SPIRE2: variants seen among roughly 807,000 people sequenced by gnomAD.
The protein encoded by SPIRE2 is protein spire homolog 2.
SPIRE2 carries 76 observed loss-of-function variants against 80.7 expected under a neutral mutation model. The ratio of observed to expected loss-of-function variants is 0.94; its 90% CI spans 0.78 to 1.14. The LOEUF (loss-of-function observed/expected upper bound fraction) is 1.14. Among genes scored for constraint, SPIRE2 ranks in the 50% most tolerant of loss-of-function variants. SPIRE2 has a pLI of 0.00. For synonymous variants in SPIRE2, 535 were observed against 432.6 expected, an observed-to-expected ratio of 1.24 and a Z score of -2.94; for missense variants, 1,196 against 1,015.3, an observed-to-expected ratio of 1.18 and a Z score of -2.42.
chr16:89,829,180 G>A (rs576122322), intron 1 of SPIRE2, among the ~76,000 whole-genome samples: 30 of 152,356 alleles, frequency 2.0e-4, no homozygotes, highest in Admixed American at 1.2e-3. Flanking sequence ...AGCAGGAAAG[G>A]AGACAGAAGC....
chr16:89,868,150 C>T, intron 12 of SPIRE2, 39 bp from the exon 13 acceptor site: 1 of 1,613,768 alleles, frequency 6.2e-7, no homozygotes, highest in Non-Finnish European at 8.5e-7. Flanking sequence ...TTGTGGGCTT[C>T]CTCCCTGCTG....
rs774689690 is a variant in SPIRE2 at position 89,855,698 on chromosome 16, GCCT to G, written c.978+23_978+25del. ...CTCCACTGAAGCAGGTGCTGCCCCAGCCTCCTCCTCCTCAGGGGCCGCCCGGGG... is the reference window on the plus strand; with the variant it reads ...CTCCACTGAAGCAGGTGCTGCCCCAGCCTCCTCCTCAGGGGCCGCCCGGGG... On this transcript the variant is annotated intron_variant, in intron 6 of 14. Transcript: ENST00000378247. 5.0e-6 allele frequency: 8 copies of G among 1,612,162 alleles called. No individual in the cohort carries two copies. The highest frequency in any genetic ancestry group is 1.7e-5 in the Admixed American group (1 of 59,902).
At chr16:89,835,341 G>A (rs1002307967) in intron 1 of SPIRE2, among the ~76,000 whole-genome samples, 11 of 152,232 alleles carry the variant, frequency 7.2e-5, no homozygotes, top group Non-Finnish European at 1.5e-4. Context: ...CTGTGCTACT[G>A]TTGAGATTCG....
Position 89,832,992 on chromosome 16 carries a change from C to CT in SPIRE2, c.244+4212dup, listed in dbSNP as rs869195252. 6.9e-3 allele frequency among the ~76,000 whole-genome samples: 130 copies of CT among 18,900 alleles called. 2 individuals carry two copies. The South Asian group carries it at 0.14, about 21-fold the overall frequency. The allele number at this position is 18,900 out of a possible 152,430, so 12.4% of individuals were successfully genotyped here. A position where few individuals can be genotyped will look rare whatever the true frequency, so the allele number is the denominator to read the frequency against. ...GCCTGCCACCAAACCCAGCTGATTT[C>CT]TTTTTTTTTTTTTTGTGAGACAGAG... is the stretch of plus-strand genomic sequence containing the variant. On this transcript the variant is annotated intron_variant, in intron 1 of 14. Coordinates refer to ENST00000378247, the MANE Select transcript of SPIRE2 (RefSeq NM_032451.2).
In SPIRE2 at chr16:89,836,576, C is replaced by T. The variant is rs542242911; in HGVS notation, c.244+7782C>T. On this transcript the variant is annotated intron_variant, in intron 1 of 14. Coordinates refer to ENST00000378247, the MANE Select transcript of SPIRE2 (RefSeq NM_032451.2). The stretch of plus-strand genomic sequence containing the variant: ...CACCAACGTTTGTTTATAGTTGTTT[C>T]TTTTGAGGTGAAATTTACATACAGT... 9.7e-4 allele frequency: 189 copies of T among 193,854 alleles called. 1 individual carries two copies. The highest frequency in any genetic ancestry group is 4.2e-3 in the African/African-American group (183 of 43,754). 12.0% of individuals were successfully genotyped at this position (193,854 alleles called of 1,614,324 possible). A position where few individuals can be genotyped will look rare whatever the true frequency, so the allele number is the denominator to read the frequency against.
chr16:89,843,672 T>TTTTTTTGG (rs1567671298), intron 1 of SPIRE2, among the ~76,000 whole-genome samples: 24 of 55,230 alleles, frequency 4.3e-4, no homozygotes, highest in East Asian at 9.1e-3. Flanking sequence ...GCCACGTTTT[T>TTTTTTTGG]TTTTTTTTGT....
chr16:89,870,073 A>G lies in SPIRE2; in HGVS notation c.1946A>G (p.Gln649Arg), dbSNP rs571605762. The G allele has an allele frequency of 8.7e-6, 14 of 1,613,184 alleles. No individual in the cohort carries two copies. Among genetic ancestry groups the G allele is most frequent in the Middle Eastern group, 3.5e-4 (2 of 5,792 alleles). Residue 649 changes from glutamine (Q) to arginine (R), a missense_variant, in exon 15 of 15, where the codon CAG becomes CGG. By Grantham distance (43) the Gln-to-Arg change is conservative. Transcript: ENST00000378247. ...IFQSLQGPQW[Q>R]SVEEAFPHIY... is the part of the protein sequence containing the mutation. Reference sequence around the variant, plus strand: ...AGGTCTCTGCAAGGGCCACAGTGGCAGAGCGTGGAGGAGGCGTTCCCCCAC... The same window carrying G: ...AGGTCTCTGCAAGGGCCACAGTGGCGGAGCGTGGAGGAGGCGTTCCCCCAC...
At chr16:89,869,053 A>AAAAAACATATATATATATAT in intron 13 of SPIRE2, among the ~76,000 whole-genome samples, 2 of 24,030 alleles carry the variant, frequency 8.3e-5, no homozygotes, top group African/African-American at 3.3e-4. Flanking sequence ...AAAAAAAAAA[A>AAAAAACATATATATATATAT]ATATATATAT....
At chr16:89,858,188 TTCC>T in intron 7 of SPIRE2, 147 bp from the exon 8 acceptor site, 1 of 838,848 alleles carries the variant, frequency 1.2e-6, no homozygotes, top group Non-Finnish European at 1.8e-6. Context: ...CCCGGCCTAG[TTCC>T]TCATTTTTTT....
chr16:89,847,668 A>G (rs1326405720), intron 2 of SPIRE2, among the ~76,000 whole-genome samples: 1 of 152,204 alleles, frequency 6.6e-6, no homozygotes, highest in Non-Finnish European at 1.5e-5. Context: ...GTTACTGGGC[A>G]GGTGTCCTGG....
chr16:89,860,847 C>A, intron 10 of SPIRE2, 52 bp downstream of exon 10: 1 of 1,171,648 alleles, frequency 8.5e-7, no homozygotes, highest in Non-Finnish European at 1.2e-6. Context: ...CGTCTTTGCA[C>A]CCACCTTCCC....
chr16:89,858,492 G>A lies in SPIRE2; in HGVS notation c.1257G>A (p.Glu419=). ...CGCCTACCTTGGCTGAAATGGAAGA[G>A]ATGAATACATCTGAGGTCAGAACCC... The part of the protein sequence containing the change: ...LKAPTLAEME[E]MNTSEEEESP... Residue 419 remains glutamate (E), a synonymous_variant, in exon 8 of 15, where the codon GAG becomes GAA. Transcript: ENST00000378247. 3 of 1,601,424 alleles carry A rather than the reference G, an allele frequency of 1.9e-6. No homozygotes were observed. Among genetic ancestry groups the A allele is most frequent in the Non-Finnish European group, 2.6e-6 (3 of 1,175,084 alleles).
chr16:89,870,355 T>C lies in SPIRE2; in HGVS notation c.*83T>C, dbSNP rs990690514. On this transcript the variant is annotated 3_prime_UTR_variant, in exon 15 of 15. Coordinates refer to ENST00000378247, the MANE Select transcript of SPIRE2 (RefSeq NM_032451.2). ...ACGCTCTGAGCTGTGCATGTACATA[T>C]ATACATATATAGATACATTTATAAT... 36 of 721,060 alleles carry C rather than the reference T, an allele frequency of 5.0e-5. No individual in the cohort carries two copies. Among genetic ancestry groups the C allele is most frequent in the Admixed American group, 1.2e-4 (5 of 43,020 alleles). The allele number at this position is 721,060 out of a possible 1,614,324, so 44.7% of individuals were successfully genotyped here.
Position 89,863,648 on chromosome 16 carries a change from C to G in SPIRE2, c.1710+38C>G, listed in dbSNP as rs765895765. The G allele has an allele frequency of 1.2e-6, 2 of 1,613,892 alleles. No homozygotes were observed. The highest frequency in any genetic ancestry group is 3.3e-5 in the Admixed American group (2 of 60,032). ...AGACGTGGGGCTACGCTCTTGCCCG[C>G]TGGGTCAGGGGCGGGTGCCGAGAGG... On this transcript the variant is annotated intron_variant, in intron 11 of 14. Transcript: ENST00000378247. This position sits in a 1 kb window ranked among gnomAD's most constrained non-coding sequence, Gnocchi z 4.3.
chr16:89,854,594 C>T lies in SPIRE2; in HGVS notation c.834C>T (p.Pro278=), dbSNP rs2143812458. The change falls in exon 5 of 15, where the codon CCC becomes CCT. Residue 278 remains proline, a synonymous_variant. Coordinates refer to ENST00000378247, the MANE Select transcript of SPIRE2 (RefSeq NM_032451.2). ...NPLPTEFQLT[P]FEMLMQDIRA... The stretch of plus-strand genomic sequence containing the variant: ...TCCCCACCGAGTTCCAGCTCACGCC[C>T]TTCGAGATGCTGATGCAGGACATCC... The T allele has an allele frequency of 6.2e-7, 1 of 1,610,780 alleles. No homozygotes were observed. The highest frequency in any genetic ancestry group is 8.5e-7 in the Non-Finnish European group (1 of 1,178,844).
At chr16:89,861,864 G>A (rs1262131920) in intron 10 of SPIRE2, 2 of 152,280 alleles carry the variant, frequency 1.3e-5, no homozygotes, top group African/African-American at 4.8e-5. Context: ...CCCAGAGCAC[G>A]TGGTTCAAGA....
chr16:89,866,239 AG>A (rs1476066130), intron 12 of SPIRE2, among the ~76,000 whole-genome samples: 2 of 152,166 alleles, frequency 1.3e-5, no homozygotes, highest in Non-Finnish European at 2.9e-5. Flanking sequence ...AACCATTACT[AG>A]CAGGGATCAC....
intron 1 of SPIRE2, among the ~76,000 whole-genome samples, chr16:89,840,253 T>C (rs937030095): frequency 4.7e-5 from 7 of 149,794 alleles, no homozygotes; most frequent in African/African-American, 7.4e-5. Flanking sequence ...ATCTTTTTTT[T>C]TTTTTTTTTT....
At chr16:89,850,744 C>A in intron 3 of SPIRE2, 84 bp downstream of exon 3, 2 of 1,044,820 alleles carry the variant, frequency 1.9e-6, no homozygotes, top group Non-Finnish European at 2.6e-6. Context: ...GCAAGGACGT[C>A]TCTTCGTGGA....
Sources: gnomAD v4.1 joint callset for allele counts (sites outside exome capture counted in the v4.1 genomes callset) on GRCh38, gnomAD v4.1.1 for gene constraint, Gnocchi (gnomAD v3.1) non-coding constraint, MANE v1.5 for transcripts, NCBI Gene and HGNC (gene_info 2026-07-23, HGNC 2026-07-21) for gene names.